The following FURIN variants were observed in gnomAD, a reference collection of about 807,000 sequenced individuals.
FURIN encodes the protein furin, paired basic amino acid cleaving enzyme.
A neutral mutation model predicts 89.2 loss-of-function variants in FURIN; 18 were observed. The observed-to-expected ratio is 0.20, with a 90% CI of 0.14 to 0.30. FURIN has a LOEUF of 0.30. Among genes scored for constraint, FURIN ranks in the 10% least tolerant of loss-of-function variants. The pLI, the probability that FURIN is intolerant of heterozygous loss-of-function variation, is 1.00. For missense variants in FURIN, 879 were observed against 1,100.5 expected (o/e 0.80, Z 2.85); for synonymous variants, 508 against 466.4 (o/e 1.09, Z -1.15).
At position 90,876,265 on chromosome 15, in the gene FURIN, A is replaced by T. The variant is rs1289068240; in HGVS notation, c.188A>T (p.Asp63Val). 1 of 1,605,058 alleles carries T rather than the reference A, an allele frequency of 6.2e-7. No individual in the cohort carries two copies. Among genetic ancestry groups the T allele is most frequent in the Non-Finnish European group, 8.5e-7 (1 of 1,172,096 alleles). Residue 63 changes from aspartate (D) to valine (V), a missense_variant, in exon 3 of 16, where the codon GAC (aspartate) becomes GTC (valine). Around this residue, in one of 5 missense-constraint regions of FURIN, gnomAD observed 125 missense variants for 125.0 expected, o/e 1.00. Transcript: ENST00000268171. The surrounding 1 kb of genome is among the most constrained non-coding windows in gnomAD (Gnocchi z 5.0). ...CCTGCTCTATTGCAGATCTTCGGGG[A>T]CTATTACCACTTCTGGCATCGAGGA... Reference protein sequence around the residue: ...GFLNLGQIFGDYYHFWHRGVT... With the variant: ...GFLNLGQIFGVYYHFWHRGVT...
At position 90,869,821 on chromosome 15, in the gene FURIN, G is replaced by C. The variant is rs557332803; in HGVS notation, c.-160+1110G>C. On this transcript the variant is annotated intron_variant, in intron 1 of 15. Coordinates refer to ENST00000268171, the MANE Select transcript of FURIN (RefSeq NM_002569.4). ...TTTTTCTGGGCTGACCTTTCTTCTA[G>C]GCCTGAGGACAAGTGGGTAGGTGGG... is the stretch of plus-strand genomic sequence containing the variant. Among the ~76,000 whole-genome samples the C allele has an allele frequency of 7.9e-5, 12 of 152,340 alleles. No individual in the cohort carries two copies. In the South Asian group the frequency reaches 2.5e-3, roughly 32 times the overall value.
chr15:90,879,494 A>G lies in FURIN; in HGVS notation c.1104A>G (p.Ser368=). The G allele has an allele frequency of 6.2e-7, 1 of 1,613,560 alleles. No individual in the cohort carries two copies. Among genetic ancestry groups the G allele is most frequent in the Non-Finnish European group, 8.5e-7 (1 of 1,179,700 alleles). The change falls in exon 10 of 16, where the codon TCA becomes TCG. Residue 368 remains serine (S), a synonymous_variant. Transcript: ENST00000268171. Reference sequence around the variant, plus strand: ...GCACGGAGTCTCACACGGGCACCTCAGCCTCTGCCCCCTTAGCAGCCGGCA... The same window carrying G: ...GCACGGAGTCTCACACGGGCACCTCGGCCTCTGCCCCCTTAGCAGCCGGCA... ...QKCTESHTGT[S]ASAPLAAGII...
At chr15:90,880,485 A>G (rs1391117004) in intron 13 of FURIN, among the ~76,000 whole-genome samples, 1 of 152,118 alleles carries the variant, frequency 6.6e-6, no homozygotes, top group African/African-American at 2.4e-5. Flanking sequence ...AGTGTGCCCC[A>G]CCTTGTGCGG....
At position 90,879,815 on chromosome 15, in the gene FURIN, G is replaced by A. The variant is rs1596078457; in HGVS notation, c.1258+41G>A. 3.1e-6 allele frequency: 5 copies of A among 1,606,054 alleles called. No individual in the cohort carries two copies. The East Asian group carries it at 1.1e-4, about 36-fold the overall frequency. On this transcript the variant is annotated intron_variant, in intron 11 of 15. Coordinates refer to ENST00000268171, the MANE Select transcript of FURIN (RefSeq NM_002569.4). The stretch of plus-strand genomic sequence containing the variant: ...CCCGGCAGGCTGGATGTGGAGTTAG[G>A]TAGAAGGCACTCTGTGCCTGACAGC...
intron 1 of FURIN, among the ~76,000 whole-genome samples, chr15:90,872,304 G>C (rs1471388511): frequency 6.6e-6 from 1 of 152,164 alleles, no homozygotes; most frequent in Non-Finnish European, 1.5e-5. Flanking sequence ...CCAAGGGGCG[G>C]CCTGCTTGCC....
At chr15:90,875,096 G>A (rs1014474735) in intron 1 of FURIN, among the ~76,000 whole-genome samples, 3 of 147,266 alleles carry the variant, frequency 2.0e-5, no homozygotes, top group Admixed American at 6.9e-5. Flanking sequence ...ATGCAGTGGC[G>A]CGATCTTGGC....
chr15:90,880,406 G>A, intron 13 of FURIN, 133 bp downstream of exon 13: 1 of 762,664 alleles, frequency 1.3e-6, no homozygotes, highest in Non-Finnish European at 2.1e-6. Context: ...ATTTTGGGAG[G>A]GACAATTTTG....
chr15:90,871,512 C>T (rs1026123288), intron 1 of FURIN: 17 of 148,918 alleles, frequency 1.1e-4, no homozygotes, highest in African/African-American at 3.9e-4. Context: ...GGAACGCGGG[C>T]CCGCAGTCGG....
chr15:90,869,981 GC>G (rs1392175934), intron 1 of FURIN, among the ~76,000 whole-genome samples: 2 of 152,198 alleles, frequency 1.3e-5, no homozygotes, highest in Non-Finnish European at 2.9e-5. Context: ...ACCCAGTGTG[GC>G]CCCTACAAGT....
Position 90,875,879 on chromosome 15 carries a change from A to G in FURIN, c.139A>G (p.Ser47Gly). 4 of 1,590,506 alleles carry G rather than the reference A, an allele frequency of 2.5e-6. No homozygotes were observed. The highest frequency in any genetic ancestry group is 2.6e-6 in the Non-Finnish European group (3 of 1,169,630). The stretch of plus-strand genomic sequence containing the variant: ...CCCTGGAGGCCCAGCGGTGGCCAAC[A>G]GTGTGGCACGGAAGCATGGGTTCCT... ...RIPGGPAVAN[S>G]VARKHGFLNL... The change falls in exon 2 of 16, where the codon AGT becomes GGT. Residue 47 changes from serine (S) to glycine (G), a missense_variant. Ser to Gly is a moderately conservative substitution (Grantham distance 56, BLOSUM62 0). Around this residue, in one of 5 missense-constraint regions of FURIN, gnomAD observed 125 missense variants for 125.0 expected, o/e 1.00. Coordinates refer to ENST00000268171, the MANE Select transcript of FURIN (RefSeq NM_002569.4).
chr15:90,878,701 G>A lies in FURIN; in HGVS notation c.841-63G>A, dbSNP rs2031771554. 3.1e-6 allele frequency: 3 copies of A among 974,698 alleles called. No individual in the cohort carries two copies. The Admixed American group carries it at 5.7e-5, about 19-fold the overall frequency. 60.4% of individuals were successfully genotyped at this position (974,698 alleles called of 1,614,324 possible). A position where few individuals can be genotyped will look rare whatever the true frequency, so the allele number is the denominator to read the frequency against. ...CCAGCCTTCCCAGTTTTCCAGCAGT[G>A]TCCTCCTGCCAGCCCTCCCTCAAGT... is the stretch of plus-strand genomic sequence containing the variant. On this transcript the variant is annotated intron_variant, in intron 8 of 15. Coordinates refer to ENST00000268171, the MANE Select transcript of FURIN (RefSeq NM_002569.4).
At chr15:90,872,374 C>G (rs943817826) in intron 1 of FURIN, among the ~76,000 whole-genome samples, 9 of 152,142 alleles carry the variant, frequency 5.9e-5, no homozygotes. Flanking sequence ...CATCCTCTAC[C>G]CCCTGGCCCC....
In FURIN at chr15:90,881,840, G is replaced by T; in HGVS notation, c.2347G>T (p.Glu783Ter). The change falls in exon 16 of 16, where the codon GAG becomes TAG. Residue 783 changes from glutamate (E) to a stop codon, truncating the protein, a stop_gained. Transcript: ENST00000268171. LOFTEE classifies it high-confidence loss of function. This position sits in a 1 kb window ranked among gnomAD's most constrained non-coding sequence, Gnocchi z 4.3. ...SDSEEDEGRG[E>*]RTAFIKDQSA... The stretch of plus-strand genomic sequence containing the variant: ...CTCAGAAGAGGACGAGGGCCGGGGC[G>T]AGAGGACCGCCTTTATCAAAGACCA... 1.2e-6 allele frequency: 2 copies of T among 1,613,032 alleles called. No homozygotes were observed. The highest frequency in any genetic ancestry group is 1.1e-5 in the South Asian group (1 of 91,078).
At position 90,880,113 on chromosome 15, in the gene FURIN, G is replaced by C; in HGVS notation, c.1396G>C (p.Glu466Gln). 6.2e-7 allele frequency: 1 copy of C among 1,606,790 alleles called. No homozygotes were observed. The highest frequency in any genetic ancestry group is 8.5e-7 in the Non-Finnish European group (1 of 1,175,422). Residue 466 changes from glutamate (E) to glutamine (Q), a missense_variant, in exon 13 of 16, where the codon GAG becomes CAG. Coordinates refer to ENST00000268171, the MANE Select transcript of FURIN (RefSeq NM_002569.4). ...GCACAGAGACATCGGGAAACGGCTC[G>C]AGGTGCGGAAGACCGTGACCGCGTG... ...TEPKDIGKRL[E>Q]VRKTVTACLG...
In FURIN at chr15:90,877,533, C is replaced by T. The variant is rs888129325; in HGVS notation, c.585C>T (p.Gly195=). 4 of 1,572,566 alleles carry T rather than the reference C, an allele frequency of 2.5e-6. No individual in the cohort carries two copies. The highest frequency in any genetic ancestry group is 1.2e-5 in the South Asian group (1 of 85,540). ...RYTQMNDNRH[G]TRCAGEVAAV... is the part of the protein sequence containing the mutation. ...ACGTGCTTGGCCCTGGCAGGCACGG[C>T]ACACGGTGTGCGGGGGAAGTGGCTG... Residue 195 remains glycine (G), a synonymous_variant, in exon 7 of 16, where the codon GGC becomes GGT. Coordinates refer to ENST00000268171, the MANE Select transcript of FURIN (RefSeq NM_002569.4).
intron 9 of FURIN, 111 bp from the exon 10 acceptor site, chr15:90,879,333 C>T (rs2031809361): frequency 6.1e-6 from 5 of 824,426 alleles, no homozygotes; most frequent in Non-Finnish European, 1.0e-5. Context: ...GGCCCTGGCT[C>T]CCCATACCAT....
chr15:90,880,091 C>T lies in FURIN; in HGVS notation c.1377-3C>T, dbSNP rs2031867578. On this transcript the variant is annotated splice_region_variant and splice_polypyrimidine_tract_variant and intron_variant, in intron 12 of 15. Transcript: ENST00000268171. ...CTGACCATCATGGTGCTCTCCTGCACAGAGACATCGGGAAACGGCTCGAGG... is the reference window on the plus strand; with the variant it reads ...CTGACCATCATGGTGCTCTCCTGCATAGAGACATCGGGAAACGGCTCGAGG... 1 of 1,604,252 alleles carries T rather than the reference C, an allele frequency of 6.2e-7. No homozygotes were observed. The highest frequency in any genetic ancestry group is 8.5e-7 in the Non-Finnish European group (1 of 1,173,750).
Position 90,881,184 on chromosome 15 carries a change from G to T in FURIN, c.1793-102G>T. ...TTGGGATGACCACAGTCCTGGGGCT[G>T]GAGGATCCTGGGGATGTGGTGACTT... On this transcript the variant is annotated intron_variant, in intron 15 of 15. Transcript: ENST00000268171. The surrounding 1 kb of genome is among the most constrained non-coding windows in gnomAD (Gnocchi z 4.3). The T allele has an allele frequency of 8.9e-7, 1 of 1,120,270 alleles. No individual in the cohort carries two copies. 69.4% of individuals were successfully genotyped at this position (1,120,270 alleles called of 1,614,324 possible). A position where few individuals can be genotyped will look rare whatever the true frequency, so the allele number is the denominator to read the frequency against.
chr15:90,877,674 G>A lies in FURIN; in HGVS notation c.667+59G>A, dbSNP rs779429676. The A allele has an allele frequency of 5.2e-4, 634 of 1,219,934 alleles. 1 individual carries two copies. In the Middle Eastern group the frequency reaches 6.9e-3, roughly 13 times the overall value. The allele number at this position is 1,219,934 out of a possible 1,614,324, so 75.6% of individuals were successfully genotyped here. ...AGGGCCCTTCAGTGGAATTTTTCCCGCCCACTTCCCATCTGGCCAATGCCT... is the reference window on the plus strand; with the variant it reads ...AGGGCCCTTCAGTGGAATTTTTCCCACCCACTTCCCATCTGGCCAATGCCT... On this transcript the variant is annotated intron_variant, in intron 7 of 15. Coordinates refer to ENST00000268171, the MANE Select transcript of FURIN (RefSeq NM_002569.4).
Sources: gnomAD v4.1 joint callset for allele counts (sites outside exome capture counted in the v4.1 genomes callset) on GRCh38, gnomAD v4.1.1 for gene constraint, gnomAD v4.1.1 regional missense constraint, Gnocchi (gnomAD v3.1) non-coding constraint, MANE v1.5 for transcripts, NCBI Gene and HGNC (gene_info 2026-07-23, HGNC 2026-07-21) for gene names.